The following BCL2 variants were observed in gnomAD, a reference collection of about 807,000 sequenced individuals.
BCL2 encodes the protein BCL2 apoptosis regulator.
BCL2 carries 1 observed loss-of-function variant against 14.2 expected under a neutral mutation model. That is an observed-to-expected ratio of 0.07 (90% CI 0.02 to 0.33). The LOEUF (loss-of-function observed/expected upper bound fraction) is 0.33, where lower values mean the gene tolerates loss of function less well. BCL2 is among the 10% of genes least tolerant of loss of function. BCL2 has a pLI of 0.99. For missense variants in BCL2, 247 were observed against 305.9 expected, an observed-to-expected ratio of 0.81 and a Z score of 1.44; for synonymous variants, 151 against 137.2, an observed-to-expected ratio of 1.10 and a Z score of -0.70.
chr18:63,263,709 AG>A (rs1173853888), intron 2 of BCL2, among the ~76,000 whole-genome samples: 1 of 152,246 alleles, frequency 6.6e-6, no homozygotes, highest in Non-Finnish European at 1.5e-5. Flanking sequence ...CTGGGAAACC[AG>A]GTCCCCTGGA....
At chr18:63,271,371 C>G (rs1248704502) in intron 2 of BCL2, among the ~76,000 whole-genome samples, 1 of 151,928 alleles carries the variant, frequency 6.6e-6, no homozygotes, top group Non-Finnish European at 1.5e-5. Context: ...TAATTAACAC[C>G]GAGTAACATT....
chr18:63,294,917 T>C (rs920428090), intron 2 of BCL2, among the ~76,000 whole-genome samples: 1 of 151,798 alleles, frequency 6.6e-6, no homozygotes, highest in Non-Finnish European at 1.5e-5. Context: ...TCCCAGAACT[T>C]TGGGAGGCCA....
At chr18:63,154,268 T>A (rs1220896883) in intron 2 of BCL2, among the ~76,000 whole-genome samples, 4 of 152,172 alleles carry the variant, frequency 2.6e-5, no homozygotes, top group Admixed American at 2.6e-4. Flanking sequence ...TTTCTGGTCT[T>A]ACAGAAGCCA....
chr18:63,274,747 A>G (rs1912106372), intron 2 of BCL2, among the ~76,000 whole-genome samples: 1 of 152,176 alleles, frequency 6.6e-6, no homozygotes, highest in Non-Finnish European at 1.5e-5. Context: ...CCGGGTGTGG[A>G]GTCTGCAGGG....
intron 2 of BCL2, among the ~76,000 whole-genome samples, chr18:63,250,629 T>A (rs1226913058): frequency 6.6e-6 from 1 of 152,238 alleles, no homozygotes; most frequent in Non-Finnish European, 1.5e-5. Flanking sequence ...AGGAGTACCC[T>A]TTTTCATATT....
intron 2 of BCL2, among the ~76,000 whole-genome samples, chr18:63,166,393 A>G (rs1254444903): frequency 6.6e-6 from 1 of 152,108 alleles, no homozygotes; most frequent in African/African-American, 2.4e-5. Flanking sequence ...GCGTCCCTGG[A>G]CCCTGGACAG....
intron 2 of BCL2, among the ~76,000 whole-genome samples, chr18:63,183,716 G>T (rs369762044): frequency 6.6e-6 from 1 of 152,180 alleles, no homozygotes; most frequent in African/African-American, 2.4e-5. Flanking sequence ...TGCATGGGGC[G>T]GGGGCGGGGG....
At chr18:63,289,714 T>C (rs1487431621) in intron 2 of BCL2, among the ~76,000 whole-genome samples, 16 of 151,950 alleles carry the variant, frequency 1.1e-4, no homozygotes. Context: ...GCCAACATGG[T>C]GAAACCCCGC....
At chr18:63,273,057 G>C (rs1196834797) in intron 2 of BCL2, among the ~76,000 whole-genome samples, 3 of 150,808 alleles carry the variant, frequency 2.0e-5, no homozygotes, top group Non-Finnish European at 4.4e-5. Flanking sequence ...AGGAAGATTT[G>C]ATAATGCAGC....
chr18:63,170,934 C>T (rs1288321372), intron 2 of BCL2, among the ~76,000 whole-genome samples: 1 of 152,176 alleles, frequency 6.6e-6, no homozygotes, highest in African/African-American at 2.4e-5. Context: ...AACTTAGAAT[C>T]AGGTAGACGC....
At chr18:63,240,815 T>A (rs1407630077) in intron 2 of BCL2, among the ~76,000 whole-genome samples, 1 of 152,238 alleles carries the variant, frequency 6.6e-6, no homozygotes, top group Non-Finnish European at 1.5e-5. Flanking sequence ...GTTATTTGAG[T>A]ACATAACTTG....
chr18:63,286,699 GC>G (rs1415132499), intron 2 of BCL2, among the ~76,000 whole-genome samples: 6 of 152,188 alleles, frequency 3.9e-5, no homozygotes, highest in Admixed American at 3.3e-4. Context: ...TTGGTTTGCG[GC>G]AGTTTCCAGG....
At chr18:63,236,058 G>T (rs1304820914) in intron 2 of BCL2, among the ~76,000 whole-genome samples, 1 of 152,000 alleles carries the variant, frequency 6.6e-6, no homozygotes, top group Non-Finnish European at 1.5e-5. Flanking sequence ...ATGGAGGTGG[G>T]TTTTTCCCAA....
At chr18:63,289,302 G>A (rs1912571143) in intron 2 of BCL2, among the ~76,000 whole-genome samples, 1 of 152,188 alleles carries the variant, frequency 6.6e-6, no homozygotes, top group Non-Finnish European at 1.5e-5. Flanking sequence ...TGAAAAGGTG[G>A]TAAAGATTTA....
At position 63,211,366 on chromosome 18, in the gene BCL2, T is replaced by C. The variant is rs1909998324; in HGVS notation, c.586-82607A>G. Among the ~76,000 whole-genome samples, 7 of 152,102 alleles carry C rather than the reference T, an allele frequency of 4.6e-5. No homozygotes were observed. The South Asian group carries it at 1.5e-3, about 32-fold the overall frequency. On this transcript the variant is annotated intron_variant, in intron 2 of 2. Coordinates refer to ENST00000333681, the MANE Select transcript of BCL2 (RefSeq NM_000633.3). The stretch of plus-strand genomic sequence containing the variant: ...ACCCACCGCGCCTGGCCATATTTAT[T>C]TCCATCTTTCCAAAGACTGCAGAAA...
intron 2 of BCL2, among the ~76,000 whole-genome samples, chr18:63,151,487 TG>T (rs1040623373): frequency 5.6e-5 from 3 of 53,900 alleles, no homozygotes; most frequent in Non-Finnish European, 9.9e-5. Context: ...CGATAATAGA[TG>T]GGGGGCGATA....
chr18:63,286,106 G>A (rs1355688277), intron 2 of BCL2, among the ~76,000 whole-genome samples: 1 of 152,220 alleles, frequency 6.6e-6, no homozygotes, highest in Non-Finnish European at 1.5e-5. Context: ...CAGGCTGCCT[G>A]ATGCATTGAC....
intron 2 of BCL2, among the ~76,000 whole-genome samples, chr18:63,172,197 T>C (rs1028319229): frequency 2.6e-5 from 4 of 152,198 alleles, no homozygotes; most frequent in African/African-American, 9.7e-5. Flanking sequence ...ACAATCCTAA[T>C]GAACAATTTC....
chr18:63,167,638 C>G (rs557406366), intron 2 of BCL2, among the ~76,000 whole-genome samples: 1 of 151,722 alleles, frequency 6.6e-6, no homozygotes, highest in East Asian at 1.9e-4. Context: ...AAGAATTAGC[C>G]GGATGTTGGC....
Sources: gnomAD v4.1 joint callset for allele counts (sites outside exome capture counted in the v4.1 genomes callset) on GRCh38, gnomAD v4.1.1 for gene constraint, MANE v1.5 for transcripts, NCBI Gene and HGNC (gene_info 2026-07-23, HGNC 2026-07-21) for gene names.